DNAH7: variants seen among roughly 807,000 people sequenced by gnomAD.
DNAH7 encodes the protein axonemal beta dynein heavy chain 7.
Under a neutral mutation model 444.6 loss-of-function variants are expected in DNAH7, and 397 were observed. The observed-to-expected ratio is 0.89, with a 90% CI of 0.82 to 0.97. The LOEUF (loss-of-function observed/expected upper bound fraction) is 0.97, where lower values mean the gene tolerates loss of function less well. DNAH7 is among the 50% of genes least tolerant of loss of function. DNAH7 has a pLI of 0.00. For missense variants in DNAH7, 4,902 were observed against 4,800.8 expected (o/e 1.02, Z -0.62); for synonymous variants, 1,636 against 1,624.4 (o/e 1.01, Z -0.17).
chr2:195,809,572 T>C (rs1211968874), intron 52 of DNAH7, among the ~76,000 whole-genome samples, 173 bp downstream of exon 52: 1 of 152,190 alleles, frequency 6.6e-6, no homozygotes, highest in Non-Finnish European at 1.5e-5. Flanking sequence ...TTAATTTATA[T>C]CTCACTTCTG....
chr2:195,830,993 A>C (rs968657831), intron 48 of DNAH7, among the ~76,000 whole-genome samples: 13 of 152,228 alleles, frequency 8.5e-5, no homozygotes, highest in Admixed American at 2.0e-4. Context: ...CTAAATTGGA[A>C]GTAGTTTTGT....
intron 33 of DNAH7, among the ~76,000 whole-genome samples, chr2:195,887,243 A>G (rs1022779340): frequency 6.6e-6 from 1 of 152,176 alleles, no homozygotes; most frequent in Non-Finnish European, 1.5e-5. Flanking sequence ...TGTATTATCT[A>G]AATTCTCTGA....
At chr2:195,831,467 A>G (rs1262795014) in intron 48 of DNAH7, among the ~76,000 whole-genome samples, 1 of 152,254 alleles carries the variant, frequency 6.6e-6, no homozygotes, top group East Asian at 1.9e-4. Context: ...TGAAGAGGCC[A>G]ATATCTAAAC....
At chr2:195,854,784 T>C (rs1008983002) in intron 45 of DNAH7, among the ~76,000 whole-genome samples, 1 of 152,204 alleles carries the variant, frequency 6.6e-6, no homozygotes, top group Admixed American at 6.5e-5. Context: ...AAATAAAATT[T>C]TCAAACATAT....
chr2:195,749,207 T>A (rs1367493945), intron 63 of DNAH7, among the ~76,000 whole-genome samples: 2 of 152,200 alleles, frequency 1.3e-5, no homozygotes, highest in Non-Finnish European at 2.9e-5. Flanking sequence ...AAGACATTTA[T>A]GCAGCCAAAA....
At chr2:195,882,663 T>G (rs1311798157) in intron 35 of DNAH7, among the ~76,000 whole-genome samples, 3 of 152,234 alleles carry the variant, frequency 2.0e-5, no homozygotes, top group African/African-American at 7.2e-5. Context: ...TAATTTGCTA[T>G]GACAGTGTTT....
intron 20 of DNAH7, among the ~76,000 whole-genome samples, chr2:195,936,246 C>T (rs1451985065): frequency 8.6e-5 from 13 of 151,986 alleles, no homozygotes; most frequent in Admixed American, 7.2e-4. Context: ...TGGTGGCGCA[C>T]GCCTGTAATC....
At chr2:195,975,760 G>A (rs919994537) in intron 15 of DNAH7, among the ~76,000 whole-genome samples, 1 of 152,088 alleles carries the variant, frequency 6.6e-6, no homozygotes, top group African/African-American at 2.4e-5. Context: ...GAGTAGTGAG[G>A]CCCCCATCTT....
At chr2:195,888,076 A>G (rs1701806416) in intron 33 of DNAH7, among the ~76,000 whole-genome samples, 182 bp downstream of exon 33, 1 of 152,132 alleles carries the variant, frequency 6.6e-6, no homozygotes, top group Non-Finnish European at 1.5e-5. Context: ...TAGCACCAAT[A>G]TACCTCATTT....
In DNAH7 at chr2:195,984,700, C is replaced by T; in HGVS notation, c.1765G>A (p.Glu589Lys). The T allele has an allele frequency of 6.2e-7, 1 of 1,613,882 alleles. No homozygotes were observed. Among genetic ancestry groups the T allele is most frequent in the Non-Finnish European group, 8.5e-7 (1 of 1,179,898 alleles). ...HQEVNTRLCD[E>K]FERIAEKALS... ...GCTTTTTCAGCTATCCTCTCAAATT[C>T]ATCGCATAATCTGAAACACCAAGTA... The change falls in exon 15 of 65, where the codon GAA becomes AAA. Residue 589 changes from glutamate to lysine, a missense_variant. By Grantham distance (56) the Glu-to-Lys change is moderately conservative. Transcript: ENST00000312428.
intron 12 of DNAH7, among the ~76,000 whole-genome samples, chr2:195,997,506 T>C (rs1298561463): frequency 6.6e-6 from 1 of 152,118 alleles, no homozygotes; most frequent in Non-Finnish European, 1.5e-5. Context: ...CAGAGCAAGA[T>C]GGAGTCATTC....
At chr2:196,012,347 GA>G (rs1230601187) in intron 10 of DNAH7, among the ~76,000 whole-genome samples, 1 of 152,114 alleles carries the variant, frequency 6.6e-6, no homozygotes. Context: ...CTTCTAGTGA[GA>G]TTTTTTTAAT....
chr2:195,998,977 G>A, intron 12 of DNAH7: 1 of 623,532 alleles, frequency 1.6e-6, no homozygotes, highest in African/African-American at 1.8e-5. Flanking sequence ...GCTGCCCTGG[G>A]GACCCTGCTG....
intron 19 of DNAH7, among the ~76,000 whole-genome samples, chr2:195,945,152 C>G (rs1012680207): frequency 6.6e-6 from 1 of 151,936 alleles, no homozygotes; most frequent in Non-Finnish European, 1.5e-5. Flanking sequence ...AGTGCAGAAC[C>G]CTTCTACATA....
At chr2:195,843,333 A>T (rs898409765) in intron 47 of DNAH7, among the ~76,000 whole-genome samples, 10 of 152,178 alleles carry the variant, frequency 6.6e-5, no homozygotes, top group Admixed American at 1.3e-4. Context: ...ATTTTAGATT[A>T]TCTATTTTCT....
intron 46 of DNAH7, among the ~76,000 whole-genome samples, chr2:195,851,248 A>T (rs1699342892): frequency 6.6e-6 from 1 of 152,216 alleles, no homozygotes; most frequent in South Asian, 2.1e-4. Context: ...GAAGATGACA[A>T]AGTGGGACTC....
At chr2:195,762,721 G>C (rs1694403520) in intron 61 of DNAH7, among the ~76,000 whole-genome samples, 1 of 152,052 alleles carries the variant, frequency 6.6e-6, no homozygotes, top group African/African-American at 2.4e-5. Flanking sequence ...GGAAAACCAA[G>C]ATATATAAAG....
chr2:196,060,643 T>C (rs1698084403), intron 1 of DNAH7, among the ~76,000 whole-genome samples: 2 of 152,224 alleles, frequency 1.3e-5, no homozygotes, highest in Admixed American at 6.5e-5. Context: ...GTATCAGCCT[T>C]AATCCTATAT....
At chr2:195,938,348 A>T (rs1689193775) in intron 19 of DNAH7, among the ~76,000 whole-genome samples, 1 of 133,978 alleles carries the variant, frequency 7.5e-6, no homozygotes, top group Non-Finnish European at 1.6e-5. Context: ...AGACATTCAC[A>T]CACACACACA....
Sources: allele counts gnomAD v4.1 joint callset (sites outside exome capture counted in the v4.1 genomes callset), GRCh38; gene constraint gnomAD v4.1.1; transcripts MANE v1.5; gene names NCBI Gene and HGNC (gene_info 2026-07-23, HGNC 2026-07-21).